Variants in TENM3 observed in about 807,000 individuals in gnomAD.
TENM3 encodes teneurin transmembrane protein 3, also known as teneurin-3.
In TENM3, 63 loss-of-function variants were observed where a neutral mutation model predicts 255.1. That is an observed-to-expected ratio of 0.25 (90% CI 0.20 to 0.30). The LOEUF (loss-of-function observed/expected upper bound fraction) is 0.30. Ranked by LOEUF, TENM3 falls within the 10% of genes least tolerant of loss-of-function variation. The probability of loss-of-function intolerance (pLI) is 1.00; values close to 1 mark genes in which losing one functional copy is unlikely to be tolerated. For synonymous variants in TENM3, 1,306 were observed against 1,322.3 expected, an observed-to-expected ratio of 0.99 and a Z score of 0.27; for missense variants, 2,929 against 3,461.1, an observed-to-expected ratio of 0.85 and a Z score of 3.86.
At chr4:182,207,039 T>C (rs548962591) in intron 1 of TENM3, among the ~76,000 whole-genome samples, 6 of 152,216 alleles carry the variant, frequency 3.9e-5, no homozygotes, top group Non-Finnish European at 8.8e-5. Flanking sequence ...GCTGAGCTGC[T>C]CAGAGCCTAC....
At chr4:181,467,853 A>ACC in the TENM3 span, among the ~76,000 whole-genome samples, 1 of 152,168 alleles carries the variant, frequency 6.6e-6, no homozygotes, top group African/African-American at 2.4e-5. Flanking sequence ...TCTTTCAAAG[A>ACC]CGCAGATATT....
chr4:182,522,074 G>T (rs1239688990), intron 3 of TENM3, among the ~76,000 whole-genome samples: 1 of 152,168 alleles, frequency 6.6e-6, no homozygotes, highest in South Asian at 2.1e-4. Context: ...AGAGCTGTAC[G>T]TGTTTTTAAG....
intron 1 of TENM3, among the ~76,000 whole-genome samples, chr4:182,212,533 A>AT (rs397784225): frequency 6.6e-6 from 1 of 151,356 alleles, no homozygotes; most frequent in African/African-American, 2.4e-5. Context: ...AAAAAAAAAA[A>AT]TTTATGTCAA....
chr4:182,593,962 C>G (rs542082550), intron 3 of TENM3, among the ~76,000 whole-genome samples: 2 of 150,912 alleles, frequency 1.3e-5, no homozygotes, highest in South Asian at 4.2e-4. Flanking sequence ...CCAGCAGTAG[C>G]TTTTAGTCTT....
the TENM3 span, among the ~76,000 whole-genome samples, chr4:181,643,647 T>C: frequency 4.6e-5 from 7 of 152,134 alleles, no homozygotes; most frequent in Non-Finnish European, 1.0e-4. Context: ...TGGAGCCAGG[T>C]TCCAGAGCCC....
At chr4:181,719,845 G>A in the TENM3 span, among the ~76,000 whole-genome samples, 1 of 152,196 alleles carries the variant, frequency 6.6e-6, no homozygotes, top group Non-Finnish European at 1.5e-5. Flanking sequence ...AATCTTGGAA[G>A]TAATGACTCT....
intron 1 of TENM3, among the ~76,000 whole-genome samples, chr4:182,271,562 A>G (rs1759626783): frequency 6.6e-6 from 1 of 152,182 alleles, no homozygotes; most frequent in Admixed American, 6.5e-5. Flanking sequence ...CTGAGTTAAG[A>G]AGGAGGACAC....
At chr4:181,543,328 G>A in the TENM3 span, among the ~76,000 whole-genome samples, 2 of 152,208 alleles carry the variant, frequency 1.3e-5, no homozygotes, top group East Asian at 3.9e-4. Flanking sequence ...AGGATAAAAT[G>A]TAAGGGGAGG....
the TENM3 span, among the ~76,000 whole-genome samples, chr4:181,598,023 T>C: frequency 6.6e-6 from 1 of 152,178 alleles, no homozygotes; most frequent in East Asian, 1.9e-4. Flanking sequence ...ATGTATGATG[T>C]AGTGGGCACC....
the TENM3 span, among the ~76,000 whole-genome samples, chr4:181,646,008 T>C: frequency 1.3e-5 from 2 of 152,088 alleles, no homozygotes; most frequent in South Asian, 4.1e-4. Context: ...CCAACAGAGG[T>C]CCAGATCCTC....
At chr4:182,417,028 C>T (rs1226935235) in intron 3 of TENM3, among the ~76,000 whole-genome samples, 1 of 152,108 alleles carries the variant, frequency 6.6e-6, no homozygotes, top group Non-Finnish European at 1.5e-5. Context: ...GGCTGGAGTG[C>T]GGTGGTGCGA....
At chr4:182,374,841 T>C (rs767658451) in intron 3 of TENM3, among the ~76,000 whole-genome samples, 58 of 152,208 alleles carry the variant, frequency 3.8e-4, no homozygotes, top group Non-Finnish European at 5.3e-4. Context: ...ATCAACCTTC[T>C]CAGGAAAACT....
At chr4:182,173,154 C>A (rs917925603) in intron 1 of TENM3, among the ~76,000 whole-genome samples, 14 of 152,140 alleles carry the variant, frequency 9.2e-5, no homozygotes, top group African/African-American at 3.4e-4. Flanking sequence ...GACAAGTAAT[C>A]TTAAAATATT....
At chr4:181,475,705 T>TA in the TENM3 span, among the ~76,000 whole-genome samples, 1 of 152,174 alleles carries the variant, frequency 6.6e-6, no homozygotes, top group Non-Finnish European at 1.5e-5. Context: ...TCAATGGAAG[T>TA]AATTGGGGAG....
At chr4:181,892,401 G>T in the TENM3 span, among the ~76,000 whole-genome samples, 10 of 152,044 alleles carry the variant, frequency 6.6e-5, no homozygotes, top group African/African-American at 2.2e-4. Context: ...GTTTCTGAGT[G>T]TCACCATTTT....
chr4:182,017,319 T>C, the TENM3 span, among the ~76,000 whole-genome samples: 19 of 152,246 alleles, frequency 1.2e-4, no homozygotes, highest in Non-Finnish European at 1.9e-4. Context: ...ACAGGTTGGT[T>C]GAGAGGCTTG....
chr4:181,728,940 A>T, the TENM3 span, among the ~76,000 whole-genome samples: 1 of 152,122 alleles, frequency 6.6e-6, no homozygotes. Flanking sequence ...CCTTAAGCTT[A>T]GTAAGAACTG....
chr4:182,679,361 C>A (rs1344512658), intron 7 of TENM3, among the ~76,000 whole-genome samples: 3 of 152,130 alleles, frequency 2.0e-5, no homozygotes, highest in African/African-American at 7.2e-5. Flanking sequence ...ATGTTTGTAT[C>A]CCCAAACTGC....
At chr4:182,685,405 T>C (rs973787901) in intron 11 of TENM3, among the ~76,000 whole-genome samples, 3 of 152,266 alleles carry the variant, frequency 2.0e-5, no homozygotes, top group South Asian at 4.1e-4. Flanking sequence ...AGAGAGAGCC[T>C]TGAATGTCTT....
Sources: gnomAD v4.1 joint callset for allele counts (sites outside exome capture counted in the v4.1 genomes callset) on GRCh38, gnomAD v4.1.1 for gene constraint, MANE v1.5 for transcripts, NCBI Gene and HGNC (gene_info 2026-07-23, HGNC 2026-07-21) for gene names.